The following ABCA12 variants were observed in gnomAD, a reference collection of about 807,000 sequenced individuals.
The protein encoded by ABCA12 is glucosylceramide transporter ABCA12.
In ABCA12, 156 loss-of-function variants were observed where a neutral mutation model predicts 293.5. The ratio of observed to expected loss-of-function variants is 0.53; its 90% confidence interval spans 0.47 to 0.61. The LOEUF is 0.61. Ranked by LOEUF, ABCA12 falls within the 20% of genes least tolerant of loss-of-function variation. The pLI, the probability that ABCA12 is intolerant of heterozygous loss-of-function variation, is 0.00. For synonymous variants in ABCA12, 1,063 were observed against 1,108.0 expected, an observed-to-expected ratio of 0.96 and a Z score of 0.81; for missense variants, 2,797 against 3,090.2, an observed-to-expected ratio of 0.91 and a Z score of 2.25.
In ABCA12 at chr2:215,052,150, C is replaced by T. The variant is rs528493896; in HGVS notation, c.507+337G>A. 3.3e-5 allele frequency among the ~76,000 whole-genome samples: 5 copies of T among 152,196 alleles called. No individual in the cohort carries two copies. The South Asian group carries it at 6.2e-4, about 19-fold the overall frequency. On this transcript the variant is annotated intron_variant, in intron 5 of 52. Coordinates refer to ENST00000272895, the MANE Select transcript of ABCA12 (RefSeq NM_173076.3). ...ATTAGTATGGATGAGGCAGCAAATTCGAAGAGCATTATAACTTCATTTGGT... is the reference window on the plus strand; with the variant it reads ...ATTAGTATGGATGAGGCAGCAAATTTGAAGAGCATTATAACTTCATTTGGT...
In ABCA12 at chr2:215,055,837, C is replaced by T. The variant is rs997153087; in HGVS notation, c.318-1173G>A. ...AATTATTCATGACCCTGACTGTATG[C>T]CCCTAATCTTTTTACATTCCTTATG... On this transcript the variant is annotated intron_variant, in intron 3 of 52. Coordinates refer to ENST00000272895, the MANE Select transcript of ABCA12 (RefSeq NM_173076.3). Among the ~76,000 whole-genome samples the T allele has an allele frequency of 6.6e-5, 10 of 152,040 alleles. 1 individual carries two copies. The highest frequency in any genetic ancestry group is 2.4e-4 in the African/African-American group (10 of 41,416).
chr2:215,079,019 T>A (rs1185818602), intron 2 of ABCA12, among the ~76,000 whole-genome samples: 2 of 152,210 alleles, frequency 1.3e-5, no homozygotes, highest in Admixed American at 6.5e-5. Flanking sequence ...TGTCCTTTTT[T>A]ATGCATATTT....
chr2:214,955,404 A>G (rs538066407), intron 42 of ABCA12, 43 bp from the exon 43 acceptor site: 1 of 1,602,702 alleles, frequency 6.2e-7, no homozygotes, highest in South Asian at 1.1e-5. Flanking sequence ...CGCCTCGGCC[A>G]GGCATGGTGG....
intron 2 of ABCA12, among the ~76,000 whole-genome samples, chr2:215,083,298 T>C (rs1701978819): frequency 1.3e-5 from 2 of 152,152 alleles, no homozygotes; most frequent in African/African-American, 4.8e-5. Context: ...TAACGGATAG[T>C]GGAATGTGAA....
chr2:214,943,590 C>CCCG (rs1309603467), intron 49 of ABCA12, among the ~76,000 whole-genome samples: 1 of 152,128 alleles, frequency 6.6e-6, no homozygotes, highest in Non-Finnish European at 1.5e-5. Context: ...ACCTGGAATA[C>CCCG]CCGCTCCATC....
intron 2 of ABCA12, among the ~76,000 whole-genome samples, chr2:215,067,380 G>A (rs541339053): frequency 2.8e-4 from 43 of 152,096 alleles, no homozygotes; most frequent in African/African-American, 1.0e-3. Context: ...ACAAATTTAA[G>A]GACACAAGTA....
intron 1 of ABCA12, among the ~76,000 whole-genome samples, chr2:215,133,685 A>C (rs942623652): frequency 6.6e-6 from 1 of 152,120 alleles, no homozygotes; most frequent in African/African-American, 2.4e-5. Flanking sequence ...TAACATTTCT[A>C]TTAGTACTTA....
chr2:215,057,242 A>G (rs1468400700), intron 3 of ABCA12, among the ~76,000 whole-genome samples: 2 of 152,036 alleles, frequency 1.3e-5, no homozygotes, highest in Non-Finnish European at 2.9e-5. Context: ...ATTAGCAATA[A>G]TAACACCTAC....
At chr2:214,958,695 C>T (rs1699027226) in intron 40 of ABCA12, among the ~76,000 whole-genome samples, 2 of 152,100 alleles carry the variant, frequency 1.3e-5, no homozygotes, top group Admixed American at 1.3e-4. Context: ...CCTCGGTCTC[C>T]AACGGTTACA....
At chr2:215,092,618 A>T (rs564893608) in intron 2 of ABCA12, among the ~76,000 whole-genome samples, 26 of 152,010 alleles carry the variant, frequency 1.7e-4, no homozygotes, top group African/African-American at 6.3e-4. Flanking sequence ...GCTTGTTATC[A>T]CTCACCTGTT....
intron 50 of ABCA12, among the ~76,000 whole-genome samples, chr2:214,941,505 G>T (rs1698400722): frequency 2.0e-5 from 3 of 152,270 alleles, no homozygotes; most frequent in South Asian, 4.1e-4. Context: ...GAATATCTGT[G>T]TTAATTTCCT....
At chr2:214,951,572 C>T (rs1435977757) in intron 44 of ABCA12, among the ~76,000 whole-genome samples, 3 of 152,164 alleles carry the variant, frequency 2.0e-5, no homozygotes, top group African/African-American at 7.2e-5. Flanking sequence ...GCCTGGCCAA[C>T]CTGGCAAAAC....
At chr2:215,099,524 C>G (rs1247641217) in intron 2 of ABCA12, among the ~76,000 whole-genome samples, 6 of 152,096 alleles carry the variant, frequency 3.9e-5, no homozygotes, top group African/African-American at 1.4e-4. Flanking sequence ...GAAACCCCGT[C>G]TCTACTAAAA....
intron 11 of ABCA12, chr2:215,025,186 T>C (rs1700710478): frequency 6.6e-6 from 1 of 152,414 alleles, no homozygotes; most frequent in African/African-American, 2.4e-5. Flanking sequence ...ATGATAACTA[T>C]TGTTAGCCAT....
intron 10 of ABCA12, 69 bp downstream of exon 10, chr2:215,026,751 A>C: frequency 7.4e-7 from 1 of 1,357,946 alleles, no homozygotes; most frequent in Non-Finnish European, 1.1e-6. Flanking sequence ...CAAATGCCTC[A>C]AAAACTCACT....
intron 39 of ABCA12, among the ~76,000 whole-genome samples, chr2:214,964,464 A>G (rs1359905419): frequency 6.6e-6 from 1 of 152,314 alleles, no homozygotes; most frequent in Admixed American, 6.5e-5. Context: ...ACATGATCCT[A>G]TATCTAGAAA....
chr2:214,986,442 A>G, intron 28 of ABCA12, 100 bp downstream of exon 28: 1 of 1,162,616 alleles, frequency 8.6e-7, no homozygotes, highest in Non-Finnish European at 1.3e-6. Context: ...GGGAAATGTA[A>G]TAACTTTATG....
intron 22 of ABCA12, chr2:214,999,881 A>G (rs1700104906): frequency 1.0e-6 from 1 of 961,222 alleles, no homozygotes; most frequent in South Asian, 4.8e-5. Context: ...ATTGAAAGAA[A>G]GAAAAAAGAA....
intron 1 of ABCA12, among the ~76,000 whole-genome samples, chr2:215,130,712 C>T (rs1187300191): frequency 1.3e-5 from 2 of 152,056 alleles, no homozygotes; most frequent in Admixed American, 1.3e-4. Context: ...TTCCTCTTTT[C>T]CAATTTGGAT....
Sources: allele counts gnomAD v4.1 joint callset (sites outside exome capture counted in the v4.1 genomes callset), GRCh38; gene constraint gnomAD v4.1.1; transcripts MANE v1.5; gene names NCBI Gene and HGNC (gene_info 2026-07-23, HGNC 2026-07-21).